ATOSB: variants seen among roughly 807,000 people sequenced by gnomAD.
The protein encoded by ATOSB is atos homolog protein B.
At chr9:35,107,637 G>A in the ATOSB span, 1 of 1,604,748 alleles carries the variant, frequency 6.2e-7, no homozygotes, top group Non-Finnish European at 8.5e-7. Context: ...GGACTCCCTA[G>A]GCCAGAGGCT....
the ATOSB span, chr9:35,116,352 G>A: frequency 1.3e-5 from 2 of 152,482 alleles, no homozygotes; most frequent in African/African-American, 2.4e-5. Flanking sequence ...GATGGTCGCA[G>A]GTCGCCTGAG....
chr9:35,107,572 G>A, the ATOSB span: 10 of 1,589,926 alleles, frequency 6.3e-6, no homozygotes, highest in South Asian at 1.1e-5. Flanking sequence ...CAGGGGCCTG[G>A]GGGTCCAGGG....
At chr9:35,106,285 A>T in the ATOSB span, 7 of 1,613,994 alleles carry the variant, frequency 4.3e-6, no homozygotes, top group Non-Finnish European at 5.9e-6. The surrounding 1 kb of genome is among the most constrained non-coding windows in gnomAD (Gnocchi z 4.6). Flanking sequence ...GCTCAGAAAC[A>T]TCAAAGAATG....
At chr9:35,106,267 G>C in the ATOSB span, 1 of 1,613,870 alleles carries the variant, frequency 6.2e-7, no homozygotes, top group Non-Finnish European at 8.5e-7. The surrounding 1 kb of genome is among the most constrained non-coding windows in gnomAD (Gnocchi z 4.6). Context: ...AGGGAGCCGG[G>C]GCATTTTGCT....
At chr9:35,104,550 T>C in the ATOSB span, 1 of 309,636 alleles carries the variant, frequency 3.2e-6, no homozygotes, top group Non-Finnish European at 7.1e-6. Context: ...ACATGCACAC[T>C]CACACACACA....
At chr9:35,104,866 A>G in the ATOSB span, 6 of 169,856 alleles carry the variant, frequency 3.5e-5, no homozygotes, top group Non-Finnish European at 8.0e-5. Flanking sequence ...ATTTGAATAA[A>G]TTATAAATTA....
At chr9:35,104,511 A>G in the ATOSB span, 1 of 204,060 alleles carries the variant, frequency 4.9e-6, no homozygotes. Flanking sequence ...GCCCTAGGTG[A>G]GGGGTGGTTA....
chr9:35,108,843 G>T, the ATOSB span: 1 of 234,210 alleles, frequency 4.3e-6, no homozygotes, highest in Non-Finnish European at 7.0e-6. Flanking sequence ...TCTCCCATGT[G>T]AGAGGCTCTT....
the ATOSB span, chr9:35,111,238 G>A: frequency 6.5e-6 from 1 of 152,722 alleles, no homozygotes; most frequent in African/African-American, 2.4e-5. Flanking sequence ...TGGAGCTTCG[G>A]AGATTTGCTC....
chr9:35,108,109 G>A, the ATOSB span: 2 of 1,557,590 alleles, frequency 1.3e-6, no homozygotes, highest in Admixed American at 2.0e-5. Flanking sequence ...GTACCAGCCG[G>A]AGGGGAAAAG....
At chr9:35,106,929 A>AG in the ATOSB span, 1 of 1,537,796 alleles carries the variant, frequency 6.5e-7, no homozygotes, top group South Asian at 1.2e-5. This position sits in a 1 kb window ranked among gnomAD's most constrained non-coding sequence, Gnocchi z 4.6. Context: ...CACAGGGTGA[A>AG]GGCCATGTAT....
At chr9:35,105,484 G>C in the ATOSB span, 1 of 1,352,708 alleles carries the variant, frequency 7.4e-7, no homozygotes, top group South Asian at 1.4e-5. This position sits in a 1 kb window ranked among gnomAD's most constrained non-coding sequence, Gnocchi z 5.5. Flanking sequence ...TTGAGCCCAG[G>C]AGTTGGAGAC....
the ATOSB span, among the ~76,000 whole-genome samples, chr9:35,116,109 C>T: frequency 6.6e-6 from 1 of 152,058 alleles, no homozygotes; most frequent in African/African-American, 2.4e-5. Flanking sequence ...GCCCCACCCC[C>T]GATCCCCGCC....
chr9:35,109,702 CAGAA>C, the ATOSB span: 1 of 152,238 alleles, frequency 6.6e-6, no homozygotes, highest in Non-Finnish European at 1.5e-5. Flanking sequence ...CCATCTCCTC[CAGAA>C]AGTCTGCTCT....
the ATOSB span, chr9:35,106,799 A>G: frequency 1.9e-6 from 3 of 1,554,492 alleles, no homozygotes; most frequent in Non-Finnish European, 2.6e-6. The surrounding 1 kb of genome is among the most constrained non-coding windows in gnomAD (Gnocchi z 4.6). Context: ...CCCCATTCTC[A>G]GGGACAGGGT....
chr9:35,104,656 G>A, the ATOSB span: 12 of 416,036 alleles, frequency 2.9e-5, no homozygotes, highest in Non-Finnish European at 5.0e-5. Flanking sequence ...ACTGGGGAAG[G>A]ACAGGGGAAG....
At chr9:35,109,984 C>T in the ATOSB span, 1 of 152,104 alleles carries the variant, frequency 6.6e-6, no homozygotes, top group Admixed American at 6.6e-5. Flanking sequence ...AGAAAAATTT[C>T]CCAGATGAGA....
chr9:35,106,137 G>A, the ATOSB span: 3 of 1,521,130 alleles, frequency 2.0e-6, no homozygotes, highest in Non-Finnish European at 2.7e-6. The surrounding 1 kb of genome is among the most constrained non-coding windows in gnomAD (Gnocchi z 4.6). Context: ...TCCTCACCTG[G>A]CCCTGACTCA....
chr9:35,114,777 CG>C, the ATOSB span, among the ~76,000 whole-genome samples: 1 of 152,176 alleles, frequency 6.6e-6, no homozygotes, highest in African/African-American at 2.4e-5. Flanking sequence ...GAAGCCCTAG[CG>C]TTCCCTACCC....
Sources: gnomAD v4.1 joint callset for allele counts (sites outside exome capture counted in the v4.1 genomes callset) on GRCh38, gnomAD v4.1.1 for gene constraint, Gnocchi (gnomAD v3.1) non-coding constraint, MANE v1.5 for transcripts, NCBI Gene and HGNC (gene_info 2026-07-23, HGNC 2026-07-21) for gene names.